The following CIMIP6 variants were observed in gnomAD, a reference collection of about 807,000 sequenced individuals.
CIMIP6 encodes uncharacterized protein C2orf73.
chr2:54,345,939 T>C, the CIMIP6 span, among the ~76,000 whole-genome samples: 2 of 152,314 alleles, frequency 1.3e-5, no homozygotes, highest in African/African-American at 4.8e-5. Flanking sequence ...GCAGCACTGA[T>C]GCAAGAGTAC....
the CIMIP6 span, among the ~76,000 whole-genome samples, chr2:54,346,788 A>C: frequency 6.6e-6 from 1 of 152,090 alleles, no homozygotes; most frequent in African/African-American, 2.4e-5. Context: ...TTCTCCATAT[A>C]TGTTTTCTGC....
At chr2:54,350,752 G>A in the CIMIP6 span, among the ~76,000 whole-genome samples, 1 of 152,134 alleles carries the variant, frequency 6.6e-6, no homozygotes, top group Non-Finnish European at 1.5e-5. Context: ...GAGAGTTTAG[G>A]AGTAGCCAAC....
At chr2:54,353,900 G>A in the CIMIP6 span, among the ~76,000 whole-genome samples, 1 of 152,092 alleles carries the variant, frequency 6.6e-6, no homozygotes, top group Non-Finnish European at 1.5e-5. Flanking sequence ...TATGGGTTGT[G>A]TACTGGCTGT....
chr2:54,333,782 A>C, the CIMIP6 span, among the ~76,000 whole-genome samples: 2 of 152,018 alleles, frequency 1.3e-5, no homozygotes, highest in South Asian at 4.2e-4. Flanking sequence ...AACCCCAGCT[A>C]CTCAGGAGGC....
chr2:54,331,757 T>C, the CIMIP6 span, among the ~76,000 whole-genome samples: 2 of 151,914 alleles, frequency 1.3e-5, no homozygotes, highest in Admixed American at 1.3e-4. Context: ...GTGATTCTGA[T>C]GTACCTTAAA....
At chr2:54,359,098 T>G in the CIMIP6 span, 1 of 1,239,392 alleles carries the variant, frequency 8.1e-7, no homozygotes, top group Non-Finnish European at 1.1e-6. Context: ...TAGAATTATT[T>G]AATACTTTAA....
the CIMIP6 span, chr2:54,343,927 A>T: frequency 2.8e-6 from 4 of 1,426,042 alleles, no homozygotes; most frequent in Non-Finnish European, 3.7e-6. Flanking sequence ...TATTGCTACC[A>T]AAACTAAGAT....
chr2:54,371,496 T>G, the CIMIP6 span, among the ~76,000 whole-genome samples: 180 of 152,330 alleles, frequency 1.2e-3, 1 homozygote, highest in African/African-American at 4.1e-3. Context: ...AGTTTGGTCC[T>G]CAGTTCTGAG....
At chr2:54,344,786 A>G in the CIMIP6 span, among the ~76,000 whole-genome samples, 40 of 152,224 alleles carry the variant, frequency 2.6e-4, no homozygotes, top group African/African-American at 9.6e-4. Context: ...TTTGGAGAAT[A>G]AAGTCACGGA....
At chr2:54,345,694 C>T in the CIMIP6 span, among the ~76,000 whole-genome samples, 2 of 152,228 alleles carry the variant, frequency 1.3e-5, no homozygotes, top group South Asian at 4.1e-4. Flanking sequence ...ATACTCATAA[C>T]CAGTACTGTA....
chr2:54,342,588 C>T, the CIMIP6 span, among the ~76,000 whole-genome samples: 1 of 150,702 alleles, frequency 6.6e-6, no homozygotes, highest in African/African-American at 2.4e-5. Flanking sequence ...CATTTGAGAG[C>T]TGACTCCCTA....
chr2:54,370,924 G>C, the CIMIP6 span, among the ~76,000 whole-genome samples: 1 of 152,332 alleles, frequency 6.6e-6, no homozygotes, highest in South Asian at 2.1e-4. Flanking sequence ...ACCCAGGGCA[G>C]GATTTTCAAA....
chr2:54,354,247 T>A, the CIMIP6 span, among the ~76,000 whole-genome samples: 2 of 152,166 alleles, frequency 1.3e-5, no homozygotes, highest in Non-Finnish European at 2.9e-5. Flanking sequence ...ATTTTAATTA[T>A]ATGGATTTTT....
At chr2:54,371,051 G>A in the CIMIP6 span, among the ~76,000 whole-genome samples, 1 of 152,194 alleles carries the variant, frequency 6.6e-6, no homozygotes, top group Non-Finnish European at 1.5e-5. Context: ...GGCCTAGAGG[G>A]TGACCTTTAA....
At chr2:54,358,762 A>T in the CIMIP6 span, among the ~76,000 whole-genome samples, 12 of 151,370 alleles carry the variant, frequency 7.9e-5, no homozygotes, top group Non-Finnish European at 1.3e-4. Flanking sequence ...ACGTGGGGCT[A>T]ATTTGGTTGT....
chr2:54,345,805 G>C, the CIMIP6 span, among the ~76,000 whole-genome samples: 1 of 152,128 alleles, frequency 6.6e-6, no homozygotes, highest in Admixed American at 6.5e-5. Context: ...GGAAAAATAT[G>C]CACACCCTAC....
At chr2:54,372,477 C>T in the CIMIP6 span, among the ~76,000 whole-genome samples, 9 of 152,242 alleles carry the variant, frequency 5.9e-5, no homozygotes, top group African/African-American at 1.4e-4. Flanking sequence ...GTCCCCTCTG[C>T]GAATCTGGGC....
the CIMIP6 span, among the ~76,000 whole-genome samples, chr2:54,341,710 T>A: frequency 6.6e-6 from 1 of 152,146 alleles, no homozygotes; most frequent in Non-Finnish European, 1.5e-5. Context: ...GGAAGTTACT[T>A]CATCTCCTGG....
At chr2:54,370,496 A>G in the CIMIP6 span, among the ~76,000 whole-genome samples, 3 of 152,140 alleles carry the variant, frequency 2.0e-5, no homozygotes, top group African/African-American at 7.2e-5. Context: ...AGAACTTGCC[A>G]TACAGTTGAC....
Sources: gnomAD v4.1 joint callset for allele counts (sites outside exome capture counted in the v4.1 genomes callset) on GRCh38, gnomAD v4.1.1 for gene constraint, MANE v1.5 for transcripts, NCBI Gene and HGNC (gene_info 2026-07-23, HGNC 2026-07-21) for gene names.